The following POLR1H variants were observed in gnomAD, a reference collection of about 807,000 sequenced individuals.
POLR1H encodes DNA-directed RNA polymerase I subunit RPA12.
A neutral mutation model predicts 15.8 loss-of-function variants in POLR1H; 5 were observed. The ratio of observed to expected loss-of-function variants is 0.32; its 90% CI spans 0.17 to 0.67. The LOEUF is 0.67. Among genes scored for constraint, POLR1H ranks in the 30% least tolerant of loss-of-function variants. POLR1H has a pLI of 0.74. For missense variants in POLR1H, 100 were observed against 163.4 expected, an observed-to-expected ratio of 0.61 and a Z score of 2.11; for synonymous variants, 43 against 58.3, an observed-to-expected ratio of 0.74 and a Z score of 1.20.
intron 2 of POLR1H, 101 bp downstream of exon 2, chr6:30,062,118 G>A: frequency 6.9e-7 from 1 of 1,453,410 alleles, no homozygotes; most frequent in Non-Finnish European, 9.7e-7. Context: ...ATTCCAAGAG[G>A]GAAAAGAGAT....
rs980534327 is a variant in POLR1H at position 30,064,793 on chromosome 6, G to A, written c.*96G>A. On this transcript the variant is annotated 3_prime_UTR_variant, in exon 4 of 4. Coordinates refer to ENST00000332435, the MANE Select transcript of POLR1H (RefSeq NM_170783.4). ...CTTGTCCATCCTGTCTGGTTGCAAT[G>A]TTTTGCTCCCAGAAGAGAATCAGAT... The A allele has an allele frequency of 4.5e-6, 5 of 1,123,440 alleles. No homozygotes were observed. Among genetic ancestry groups the A allele is most frequent in the African/African-American group, 3.2e-5 (2 of 62,990 alleles). The allele number at this position is 1,123,440 out of a possible 1,614,324, so 69.6% of individuals were successfully genotyped here.
At position 30,062,215 on chromosome 6, in the gene POLR1H, T is replaced by A; in HGVS notation, c.247-9T>A. ...ACCAGGCCTCCCTAACCCACCAGTTTCTTCCCAGGTTGACAGGCGCTGCCC... is the reference window on the plus strand; with the variant it reads ...ACCAGGCCTCCCTAACCCACCAGTTACTTCCCAGGTTGACAGGCGCTGCCC... On this transcript the variant is annotated splice_polypyrimidine_tract_variant and intron_variant, in intron 2 of 3. Coordinates refer to ENST00000332435, the MANE Select transcript of POLR1H (RefSeq NM_170783.4). 1 of 1,610,358 alleles carries A rather than the reference T, an allele frequency of 6.2e-7. No individual in the cohort carries two copies. Among genetic ancestry groups the A allele is most frequent in the Non-Finnish European group, 8.5e-7 (1 of 1,177,546 alleles).
At chr6:30,062,407 C>A in intron 3 of POLR1H, 74 bp downstream of exon 3, 2 of 1,010,242 alleles carry the variant, frequency 2.0e-6, no homozygotes, top group Middle Eastern at 4.1e-4. Flanking sequence ...TTTTTTTGTA[C>A]GAAATGGCCG....
chr6:30,062,714 C>CCTTTTTTTTTTTTTTTTTTTTTTTTTTT lies in POLR1H; in HGVS notation c.356+381_356+382insCTTTTTTTTTTTTTTTTTTTTTTTTTTT, dbSNP rs749507630. 3.3e-4 allele frequency among the ~76,000 whole-genome samples: 14 copies of CCTTTTTTTTTTTTTTTTTTTTTTTTTTT among 42,390 alleles called. 2 individuals are homozygous for CCTTTTTTTTTTTTTTTTTTTTTTTTTTT. Among genetic ancestry groups the CCTTTTTTTTTTTTTTTTTTTTTTTTTTT allele is most frequent in the East Asian group, 1.9e-3 (2 of 1,052 alleles). 27.8% of individuals were successfully genotyped at this position (42,390 alleles called of 152,430 possible). On this transcript the variant is annotated intron_variant, in intron 3 of 3. Coordinates refer to ENST00000332435, the MANE Select transcript of POLR1H (RefSeq NM_170783.4). ...CACAGACACATGCCACCACGCCTGG[C>CCTTTTTTTTTTTTTTTTTTTTTTTTTTT]TTTTTTTTTTTTTTTTTTTTTTTTT... is the stretch of plus-strand genomic sequence containing the variant.
chr6:30,062,437 T>G, intron 3 of POLR1H, 104 bp downstream of exon 3: 2 of 754,302 alleles, frequency 2.7e-6, no homozygotes, highest in South Asian at 3.0e-5. Flanking sequence ...GTCCCATCCC[T>G]TATTTCTGTG....
Position 30,064,762 on chromosome 6 carries a change from A to G in POLR1H, c.*65A>G. The G allele has an allele frequency of 6.9e-7, 1 of 1,457,220 alleles. No homozygotes were observed. The highest frequency in any genetic ancestry group is 1.2e-5 in the South Asian group (1 of 84,000). 90.3% of individuals were successfully genotyped at this position (1,457,220 alleles called of 1,614,324 possible). A position where few individuals can be genotyped will look rare whatever the true frequency, so the allele number is the denominator to read the frequency against. On this transcript the variant is annotated 3_prime_UTR_variant, in exon 4 of 4. Coordinates refer to ENST00000332435, the MANE Select transcript of POLR1H (RefSeq NM_170783.4). Reference sequence around the variant, plus strand: ...GGAAGGTGAAGGATACTGGGTTTTTAGATGCCTTGTCCATCCTGTCTGGTT... The same window carrying G: ...GGAAGGTGAAGGATACTGGGTTTTTGGATGCCTTGTCCATCCTGTCTGGTT...
chr6:30,062,030 G>C lies in POLR1H; in HGVS notation c.246+13G>C. ...CCAGGGACCTGTGGTAAGCTAATGAGATCAAGAACTGGCTCCATAAGGTGG... is the reference window on the plus strand; with the variant it reads ...CCAGGGACCTGTGGTAAGCTAATGACATCAAGAACTGGCTCCATAAGGTGG... On this transcript the variant is annotated intron_variant, in intron 2 of 3. Coordinates refer to ENST00000332435, the MANE Select transcript of POLR1H (RefSeq NM_170783.4). The C allele has an allele frequency of 6.2e-7, 1 of 1,610,062 alleles. No individual in the cohort carries two copies. The highest frequency in any genetic ancestry group is 8.5e-7 in the Non-Finnish European group (1 of 1,177,270).
In POLR1H at chr6:30,063,955, T is replaced by C. The variant is rs1561966005; in HGVS notation, c.357-718T>C. ...CAAATTCCCCTTCTATAGAGTTGAA[T>C]TTTTTCTTTTCTTGTTCACTTTTAC... On this transcript the variant is annotated intron_variant, in intron 3 of 3. Transcript: ENST00000332435. The surrounding 1 kb of genome is among the most constrained non-coding windows in gnomAD (Gnocchi z 4.1). Among the ~76,000 whole-genome samples, 1 of 152,190 alleles carries C rather than the reference T, an allele frequency of 6.6e-6. No homozygotes were observed. Among genetic ancestry groups the C allele is most frequent in the Non-Finnish European group, 1.5e-5 (1 of 68,028 alleles).
At position 30,061,994 on chromosome 6, in the gene POLR1H, G is replaced by A; in HGVS notation, c.223G>A (p.Gly75Arg). ...AGCCATGCCTATGTCGGTGGAGGAA[G>A]GGCCTGAGTGCCAGGGACCTGTGGT... Reference protein sequence around the residue: ...GTAMPMSVEEGPECQGPVVDR... With the variant: ...GTAMPMSVEERPECQGPVVDR... Residue 75 changes from glycine to arginine, a missense_variant, in exon 2 of 4, where the codon GGG becomes AGG. Transcript: ENST00000332435. The surrounding 1 kb of genome is among the most constrained non-coding windows in gnomAD (Gnocchi z 5.0). The A allele has an allele frequency of 6.2e-7, 1 of 1,613,126 alleles. No homozygotes were observed. The highest frequency in any genetic ancestry group is 8.5e-7 in the Non-Finnish European group (1 of 1,180,022).
intron 3 of POLR1H, among the ~76,000 whole-genome samples, chr6:30,062,966 A>G (rs947832512): frequency 9.2e-5 from 14 of 151,728 alleles, no homozygotes; most frequent in Non-Finnish European, 1.5e-5. Context: ...GCAGTCTTCA[A>G]CCGCAGTCAA....
intron 3 of POLR1H, among the ~76,000 whole-genome samples, chr6:30,062,714 CTTTTTTTTTTTTTTTTTT>C (rs9278555): frequency 6.6e-4 from 28 of 42,388 alleles, no homozygotes; most frequent in Middle Eastern, 0.016. Context: ...CCACGCCTGG[CTTTTTTTTTTTTTTTTTT>C]TTTTTTTTTT....
At chr6:30,062,620 G>T (rs923573753) in intron 3 of POLR1H, among the ~76,000 whole-genome samples, 7 of 121,642 alleles carry the variant, frequency 5.8e-5, no homozygotes, top group African/African-American at 2.2e-4. Flanking sequence ...AGGCAATCTT[G>T]GCTCACTGCA....
chr6:30,061,927 G>C lies in POLR1H; in HGVS notation c.156G>C (p.Gly52=), dbSNP rs749654228. The C allele has an allele frequency of 1.2e-6, 2 of 1,613,122 alleles. No homozygotes were observed. Among genetic ancestry groups the C allele is most frequent in the African/African-American group, 1.3e-5 (1 of 75,038 alleles). The change falls in exon 2 of 4, where the codon GGG becomes GGC. Residue 52 remains glycine (G), a synonymous_variant. Coordinates refer to ENST00000332435, the MANE Select transcript of POLR1H (RefSeq NM_170783.4). The surrounding 1 kb of genome is among the most constrained non-coding windows in gnomAD (Gnocchi z 5.0). ...TACTTGCCTGTGCAGACTTTGAGGG[G>C]AAGGTTGTGAAGACTTCGGTTGTGT... is the stretch of plus-strand genomic sequence containing the variant. The part of the protein sequence containing the change: ...GFNINVRDFE[G]KVVKTSVVFH...
At chr6:30,062,901 G>GAA (rs28383815) in intron 3 of POLR1H, among the ~76,000 whole-genome samples, 46 of 143,406 alleles carry the variant, frequency 3.2e-4, no homozygotes, top group Admixed American at 2.1e-3. Context: ...AGGAAATGAA[G>GAA]AAAAAAAAAA....
At chr6:30,064,331 T>G (rs1765342552) in intron 3 of POLR1H, among the ~76,000 whole-genome samples, 1 of 152,024 alleles carries the variant, frequency 6.6e-6, no homozygotes, top group Non-Finnish European at 1.5e-5. Context: ...AAGAAGATTT[T>G]TTTTCCCAGC....
intron 2 of POLR1H, 39 bp downstream of exon 2, chr6:30,062,056 G>A: frequency 6.3e-7 from 1 of 1,586,286 alleles, no homozygotes; most frequent in Non-Finnish European, 8.7e-7. Flanking sequence ...CATAAGGTGG[G>A]TAGGAAAGAA....
At chr6:30,060,679 G>GTTA (rs1764950046), upstream of POLR1H, 3 of 152,134 alleles carry the variant, frequency 2.0e-5, no homozygotes, top group Non-Finnish European at 4.4e-5. Context: ...TCGTCCCGTG[G>GTTA]GACTAAGCAT....
At chr6:30,060,467 A>G (rs1469460634), upstream of POLR1H, 1 of 152,230 alleles carries the variant, frequency 6.6e-6, no homozygotes, top group African/African-American at 2.4e-5. Context: ...TAATGAATTA[A>G]GAGTTCGATA....
chr6:30,064,792 T>A lies in POLR1H; in HGVS notation c.*95T>A. 8.8e-7 allele frequency: 1 copy of A among 1,136,520 alleles called. No homozygotes were observed. The highest frequency in any genetic ancestry group is 1.3e-6 in the Non-Finnish European group (1 of 777,186). 70.4% of individuals were successfully genotyped at this position (1,136,520 alleles called of 1,614,324 possible). ...CCTTGTCCATCCTGTCTGGTTGCAA[T>A]GTTTTGCTCCCAGAAGAGAATCAGA... On this transcript the variant is annotated 3_prime_UTR_variant, in exon 4 of 4. Coordinates refer to ENST00000332435, the MANE Select transcript of POLR1H (RefSeq NM_170783.4).
Sources: allele counts gnomAD v4.1 joint callset (sites outside exome capture counted in the v4.1 genomes callset), GRCh38; gene constraint gnomAD v4.1.1; non-coding constraint Gnocchi (gnomAD v3.1); transcripts MANE v1.5; gene names NCBI Gene and HGNC (gene_info 2026-07-23, HGNC 2026-07-21).